Variants in TRAF3 observed in about 807,000 individuals in gnomAD.
The protein encoded by TRAF3 is TNF receptor-associated factor 3.
A neutral mutation model predicts 62.3 loss-of-function variants in TRAF3; 13 were observed. The ratio of observed to expected loss-of-function variants is 0.21; its 90% CI spans 0.14 to 0.33. The LOEUF is 0.33. Ranked by LOEUF, TRAF3 falls within the 10% of genes least tolerant of loss-of-function variation. The pLI is 1.00. For missense variants in TRAF3, 440 were observed against 741.8 expected (o/e 0.59, Z 4.73); for synonymous variants, 269 against 283.4 (o/e 0.95, Z 0.51).
At chr14:102,821,860 G>C (rs1047696535) in intron 1 of TRAF3, among the ~76,000 whole-genome samples, 1 of 152,174 alleles carries the variant, frequency 6.6e-6, no homozygotes, top group Non-Finnish European at 1.5e-5. Context: ...TGGCCAATAT[G>C]GTGAAACCCA....
intron 9 of TRAF3, among the ~76,000 whole-genome samples, chr14:102,892,787 A>G (rs1205355236): frequency 2.6e-5 from 4 of 152,202 alleles, no homozygotes; most frequent in Non-Finnish European, 2.9e-5. Flanking sequence ...AGAGTGTTTC[A>G]TGTAAATGCG....
In TRAF3 at chr14:102,909,823, A is replaced by G. The variant is rs898978817; in HGVS notation, c.*4039A>G. 7 of 152,232 alleles carry G rather than the reference A, an allele frequency of 4.6e-5. No individual in the cohort carries two copies. The highest frequency in any genetic ancestry group is 3.9e-4 in the Admixed American group (6 of 15,286). The allele number at this position is 152,232 out of a possible 1,614,324, so 9.4% of individuals were successfully genotyped here. ...TGTCCCATGGATGTCGACCATGCCA[A>G]CGTCACATTCCAGCACCCCTTTTGC... On this transcript the variant is annotated 3_prime_UTR_variant, in exon 12 of 12. Coordinates refer to ENST00000392745, the MANE Select transcript of TRAF3 (RefSeq NM_145725.3).
In TRAF3 at chr14:102,891,433, T is replaced by G. The variant is rs765065668; in HGVS notation, c.819+16T>G. 2 of 1,603,774 alleles carry G rather than the reference T, an allele frequency of 1.2e-6. No homozygotes were observed. Among genetic ancestry groups the G allele is most frequent in the Non-Finnish European group, 1.7e-6 (2 of 1,175,416 alleles). ...CGAAAAGAAGGTGGGCTGCACACTT[T>G]CCTGCTGCTATGGGATTTGTATCAT... On this transcript the variant is annotated intron_variant, in intron 9 of 11. Coordinates refer to ENST00000392745, the MANE Select transcript of TRAF3 (RefSeq NM_145725.3).
At chr14:102,791,450 A>G (rs1232367819) in intron 1 of TRAF3, among the ~76,000 whole-genome samples, 4 of 152,092 alleles carry the variant, frequency 2.6e-5, no homozygotes, top group South Asian at 2.1e-4. Flanking sequence ...TGTGGGTTCT[A>G]TTGTAAATGA....
intron 1 of TRAF3, among the ~76,000 whole-genome samples, chr14:102,812,666 TC>T (rs1899258307): frequency 1.3e-5 from 2 of 152,154 alleles, no homozygotes; most frequent in Non-Finnish European, 2.9e-5. Flanking sequence ...ACGCCTGTAA[TC>T]CCAGCACTTT....
intron 2 of TRAF3, among the ~76,000 whole-genome samples, chr14:102,860,137 A>G (rs1021825049): frequency 6.6e-6 from 1 of 152,214 alleles, no homozygotes; most frequent in Non-Finnish European, 1.5e-5. Flanking sequence ...GGCCAAGAGC[A>G]TGCTCTTAAT....
chr14:102,855,266 G>A (rs8003422), intron 2 of TRAF3, among the ~76,000 whole-genome samples: 64,342 of 151,984 alleles, frequency 0.42, 18,751 homozygotes, highest in African/African-American at 0.83. Context: ...CTTTTTGGTT[G>A]TTGTGAAGAG....
At chr14:102,849,369 C>T (rs1280572785) in intron 2 of TRAF3, among the ~76,000 whole-genome samples, 1 of 152,210 alleles carries the variant, frequency 6.6e-6, no homozygotes, top group East Asian at 1.9e-4. Flanking sequence ...GCCCTTGGCT[C>T]CTCTCGCTGC....
intron 1 of TRAF3, among the ~76,000 whole-genome samples, chr14:102,784,938 A>T (rs185766022): frequency 2.5e-4 from 38 of 152,274 alleles, no homozygotes; most frequent in African/African-American, 9.1e-4. Flanking sequence ...GAGAGGGTAC[A>T]GGAAAAGGCA....
intron 1 of TRAF3, among the ~76,000 whole-genome samples, chr14:102,801,909 A>G (rs1372642464): frequency 1.3e-5 from 2 of 149,968 alleles, no homozygotes; most frequent in Non-Finnish European, 3.0e-5. Context: ...CCAGCTACTC[A>G]GGAGGCTGAG....
At chr14:102,897,029 G>A (rs797018848) in intron 9 of TRAF3, among the ~76,000 whole-genome samples, 6 of 152,170 alleles carry the variant, frequency 3.9e-5, no homozygotes, top group African/African-American at 1.4e-4. Flanking sequence ...AGCTATGATT[G>A]CACCACTGCA....
intron 10 of TRAF3, among the ~76,000 whole-genome samples, chr14:102,899,136 T>TGGTCTACACAGAAGGTCCTTCCA: frequency 6.6e-6 from 1 of 152,256 alleles, no homozygotes; most frequent in African/African-American, 2.4e-5. Context: ...TGAGCAGGCG[T>TGGTCTACACAGAAGGTCCTTCCA]GGTCTACACA....
chr14:102,863,463 G>GT (rs1887795994), intron 2 of TRAF3, among the ~76,000 whole-genome samples: 1 of 152,186 alleles, frequency 6.6e-6, no homozygotes, highest in African/African-American at 2.4e-5. Context: ...CTGTGTGTAT[G>GT]TTGGAGCACA....
chr14:102,863,791 C>T (rs1475058037), intron 2 of TRAF3, among the ~76,000 whole-genome samples: 1 of 152,188 alleles, frequency 6.6e-6, no homozygotes, highest in African/African-American at 2.4e-5. Flanking sequence ...TTCCAATAAC[C>T]TTTTCCCATC....
rs911476957 is a variant in TRAF3 at position 102,908,821 on chromosome 14, A to T, written c.*3037A>T. ...CCTCGCCTCGAGCAGTTTCTTCAGGACACCGTGGCTCGGGCTGCTCCCTGC... is the reference window on the plus strand; with the variant it reads ...CCTCGCCTCGAGCAGTTTCTTCAGGTCACCGTGGCTCGGGCTGCTCCCTGC... On this transcript the variant is annotated 3_prime_UTR_variant, in exon 12 of 12. Transcript: ENST00000392745. The T allele has an allele frequency of 6.6e-6, 1 of 152,270 alleles. No individual in the cohort carries two copies. The highest frequency in any genetic ancestry group is 2.4e-5 in the African/African-American group (1 of 41,434). 9.4% of individuals were successfully genotyped at this position (152,270 alleles called of 1,614,324 possible).
chr14:102,790,128 T>A (rs974079990), intron 1 of TRAF3, among the ~76,000 whole-genome samples: 2 of 152,120 alleles, frequency 1.3e-5, no homozygotes, highest in Admixed American at 1.3e-4. Flanking sequence ...GCACTCAGCC[T>A]CTTCTGAGTT....
intron 2 of TRAF3, among the ~76,000 whole-genome samples, chr14:102,843,355 G>C (rs941276779): frequency 2.0e-5 from 3 of 151,846 alleles, no homozygotes; most frequent in South Asian, 2.1e-4. Context: ...ATATATTTTG[G>C]AGACAGGATC....
At chr14:102,816,393 A>G (rs1899523148) in intron 1 of TRAF3, among the ~76,000 whole-genome samples, 1 of 152,194 alleles carries the variant, frequency 6.6e-6, no homozygotes, top group African/African-American at 2.4e-5. Flanking sequence ...ATTAGCTACC[A>G]TACACCGATT....
In TRAF3 at chr14:102,910,692, G is replaced by A. The variant is rs1290992825; in HGVS notation, c.*4908G>A. ...CTCGGCCGTCTCGGGGCTGGCAGGT[G>A]TGCGGGTGAGGAGGCCCCGGTGGCC... On this transcript the variant is annotated 3_prime_UTR_variant, in exon 12 of 12. Coordinates refer to ENST00000392745, the MANE Select transcript of TRAF3 (RefSeq NM_145725.3). 6.6e-6 allele frequency: 1 copy of A among 152,356 alleles called. No individual in the cohort carries two copies. Among genetic ancestry groups the A allele is most frequent in the East Asian group, 1.9e-4 (1 of 5,204 alleles). 9.4% of individuals were successfully genotyped at this position (152,356 alleles called of 1,614,324 possible). A position where few individuals can be genotyped will look rare whatever the true frequency, so the allele number is the denominator to read the frequency against.
Sources: allele counts gnomAD v4.1 joint callset (sites outside exome capture counted in the v4.1 genomes callset), GRCh38; gene constraint gnomAD v4.1.1; transcripts MANE v1.5; gene names NCBI Gene and HGNC (gene_info 2026-07-23, HGNC 2026-07-21).